NSMAF: variants seen among roughly 807,000 people sequenced by gnomAD.
NSMAF encodes protein FAN.
In NSMAF, 90 loss-of-function variants were observed where a neutral mutation model predicts 134.9. That is an observed-to-expected ratio of 0.67 (90% CI 0.56 to 0.79). The LOEUF is 0.79. Ranked by LOEUF, NSMAF falls within the 30% of genes least tolerant of loss-of-function variation. The pLI, the probability that NSMAF is intolerant of heterozygous loss-of-function variation, is 0.00. For missense variants in NSMAF, 1,010 were observed against 1,119.0 expected, an observed-to-expected ratio of 0.90 and a Z score of 1.39; for synonymous variants, 358 against 389.6, an observed-to-expected ratio of 0.92 and a Z score of 0.96.
chr8:58,605,812 G>T, intron 12 of NSMAF, 115 bp downstream of exon 12: 1 of 1,125,254 alleles, frequency 8.9e-7, no homozygotes, highest in African/African-American at 1.7e-5. Flanking sequence ...CCCAGGAGGC[G>T]GAGGTTGCAG....
chr8:58,645,687 C>A (rs1288490349), intron 1 of NSMAF, among the ~76,000 whole-genome samples: 2 of 152,086 alleles, frequency 1.3e-5, no homozygotes, highest in African/African-American at 4.8e-5. Flanking sequence ...CAAAAGGCTA[C>A]AATTAATATC....
intron 9 of NSMAF, among the ~76,000 whole-genome samples, chr8:58,616,224 C>T (rs57658577): frequency 0.01 from 1,552 of 152,188 alleles, 26 homozygotes; most frequent in African/African-American, 0.036. Context: ...CAATCCTACA[C>T]AAACTTTTTC....
chr8:58,623,544 C>A (rs1806841153), intron 7 of NSMAF, 120 bp from the exon 8 acceptor site: 2 of 1,112,784 alleles, frequency 1.8e-6, no homozygotes, highest in Non-Finnish European at 1.3e-6. Flanking sequence ...TCTGATATAC[C>A]TATGGCTTCT....
Position 58,601,513 on chromosome 8 carries a change from T to C in NSMAF, c.1148A>G (p.Glu383Gly). Reference protein sequence around the residue: ...RLLTRYQEMPEPKFMYGSHYS... With the variant: ...RLLTRYQEMPGPKFMYGSHYS... ...GTGACTCCCATACATGAACTTTGGT[T>C]CAGGCATTTCCTGGTAGCGTGTCTA... The change falls in exon 15 of 31, where the codon GAA becomes GGA. Residue 383 changes from glutamate (E) to glycine (G), a missense_variant. Glu to Gly is a moderately conservative substitution (Grantham distance 98). Coordinates refer to ENST00000038176, the MANE Select transcript of NSMAF (RefSeq NM_003580.4). 6.2e-7 allele frequency: 1 copy of C among 1,607,698 alleles called. No homozygotes were observed.
intron 1 of NSMAF, among the ~76,000 whole-genome samples, chr8:58,658,068 AG>A (rs1807761263): frequency 6.6e-6 from 1 of 152,232 alleles, no homozygotes; most frequent in Non-Finnish European, 1.5e-5. Flanking sequence ...GGCCAATATG[AG>A]TATTGGCACG....
chr8:58,592,846 C>T (rs1409425207), intron 23 of NSMAF, among the ~76,000 whole-genome samples: 1 of 151,302 alleles, frequency 6.6e-6, no homozygotes, highest in African/African-American at 2.4e-5. Context: ...AAGATCGTGC[C>T]ATTGCCCTCC....
In NSMAF at chr8:58,597,396, C is replaced by A. The variant is rs148862871; in HGVS notation, c.1783G>T (p.Asp595Tyr). The change falls in exon 21 of 31, where the codon GAT becomes TAT. Residue 595 changes from aspartate (D) to tyrosine (Y), a missense_variant. By Grantham distance (160) the Asp-to-Tyr change is radical (BLOSUM62 -3). Transcript: ENST00000038176. Reference protein sequence around the residue: ...QTSSYNASMADSPGEESFEDL... With the variant: ...QTSSYNASMAYSPGEESFEDL... ...TCTTTACAAAATTTACCTGGGGAAT[C>A]TGCCATAGAAGCATTATAACTGGAG... The A allele has an allele frequency of 1.2e-6, 2 of 1,613,106 alleles. No homozygotes were observed. The highest frequency in any genetic ancestry group is 1.7e-5 in the Admixed American group (1 of 59,746).
intron 2 of NSMAF, chr8:58,640,002 T>C (rs1255782802): frequency 4.5e-6 from 2 of 448,842 alleles, no homozygotes; most frequent in African/African-American, 4.0e-5. Context: ...CAGAGCTTTG[T>C]TCAGGCAAGA....
chr8:58,593,530 A>G (rs1806066306), intron 23 of NSMAF, among the ~76,000 whole-genome samples: 2 of 152,232 alleles, frequency 1.3e-5, no homozygotes, highest in Non-Finnish European at 2.9e-5. Flanking sequence ...TTGTTTTCTC[A>G]TGGAAGCAGG....
chr8:58,659,587 G>T lies in NSMAF; in HGVS notation c.45C>A (p.Leu15=). 1 of 1,509,526 alleles carries T rather than the reference G, an allele frequency of 6.6e-7. No homozygotes were observed. Among genetic ancestry groups the T allele is most frequent in the East Asian group, 2.8e-5 (1 of 35,868 alleles). The allele number at this position is 1,509,526 out of a possible 1,614,324, so 93.5% of individuals were successfully genotyped here. ...RKKQQEQQLQ[L]YSKERFSLLL... ...TGGGCGCGCACCTCTCCTTGGAGTA[G>T]AGCTGCAGCTGCTGCTCCTGCTGCT... Residue 15 remains leucine, a synonymous_variant, in exon 1 of 31, where the codon CTC becomes CTA. Transcript: ENST00000038176.
intron 22 of NSMAF, chr8:58,594,626 T>G (rs1337730535): frequency 2.0e-5 from 6 of 306,496 alleles, no homozygotes. Flanking sequence ...CAAACTCTTC[T>G]TCACAGTCAC....
intron 2 of NSMAF, 38 bp downstream of exon 2, chr8:58,642,946 A>C (rs761889159): frequency 1.4e-6 from 2 of 1,417,816 alleles, no homozygotes; most frequent in South Asian, 2.3e-5. Flanking sequence ...GATATCAGAA[A>C]GGTTTGTTTG....
In NSMAF at chr8:58,608,199, T is replaced by G. The variant is rs374080011; in HGVS notation, c.688-359A>C. Among the ~76,000 whole-genome samples the G allele has an allele frequency of 3.3e-5, 5 of 152,252 alleles. No individual in the cohort carries two copies. The East Asian group carries it at 7.7e-4, about 23-fold the overall frequency. ...TGGCATAAATAACCTCTCAGGAATC[T>G]TGCTATCTTTTTTTAGACAAATAGT... is the stretch of plus-strand genomic sequence containing the variant. On this transcript the variant is annotated intron_variant, in intron 10 of 30. Transcript: ENST00000038176.
At chr8:58,592,917 CAA>C (rs1205162192) in intron 23 of NSMAF, among the ~76,000 whole-genome samples, 1 of 67,138 alleles carries the variant, frequency 1.5e-5, no homozygotes, top group Admixed American at 1.2e-4. Flanking sequence ...ACAACAACAA[CAA>C]AAAAAAAACC....
intron 9 of NSMAF, among the ~76,000 whole-genome samples, chr8:58,618,847 G>T (rs1806722708): frequency 1.3e-5 from 2 of 152,224 alleles, no homozygotes; most frequent in South Asian, 4.1e-4. Context: ...TATCTTAGCG[G>T]AAGTTTACCT....
chr8:58,611,601 C>A (rs545063027), intron 9 of NSMAF, among the ~76,000 whole-genome samples: 12 of 151,880 alleles, frequency 7.9e-5, no homozygotes, highest in African/African-American at 2.4e-4. Context: ...AAGAACCAAA[C>A]GGAAATATAG....
In NSMAF at chr8:58,601,485, G is replaced by A; in HGVS notation, c.1176C>T (p.Tyr392=). 4 of 1,611,230 alleles carry A rather than the reference G, an allele frequency of 2.5e-6. No individual in the cohort carries two copies. The highest frequency in any genetic ancestry group is 3.4e-6 in the Non-Finnish European group (4 of 1,178,806). ...PEPKFMYGSH[Y]SSPGYVLFYL... ...AAAAAAGTACATAACCCGGGGAAGA[G>A]TAGTGACTCCCATACATGAACTTTG... Residue 392 remains tyrosine (Y), a synonymous_variant, in exon 15 of 31, where the codon TAC becomes TAT. Transcript: ENST00000038176.
chr8:58,647,450 T>C (rs986131335), intron 1 of NSMAF, among the ~76,000 whole-genome samples: 1 of 152,172 alleles, frequency 6.6e-6, no homozygotes, highest in Non-Finnish European at 1.5e-5. Context: ...GACAGTGATA[T>C]AGTTTGGATG....
intron 26 of NSMAF, among the ~76,000 whole-genome samples, 196 bp downstream of exon 26, chr8:58,589,256 G>A (rs7840932): frequency 0.41 from 60,136 of 147,014 alleles, 13,029 homozygotes; most frequent in African/African-American, 0.56. Flanking sequence ...TATTTTATAT[G>A]TATTTTTTAA....
Sources: allele counts gnomAD v4.1 joint callset (sites outside exome capture counted in the v4.1 genomes callset), GRCh38; gene constraint gnomAD v4.1.1; transcripts MANE v1.5; gene names NCBI Gene and HGNC (gene_info 2026-07-23, HGNC 2026-07-21).